Variants in ITGA11 observed in about 807,000 individuals in gnomAD.
ITGA11 encodes integrin alpha-11.
Under a neutral mutation model 141.9 loss-of-function variants are expected in ITGA11, and 97 were observed. The observed-to-expected ratio is 0.68, with a 90% CI of 0.58 to 0.81. ITGA11 has a LOEUF of 0.81. ITGA11 is among the 30% of genes least tolerant of loss of function. The pLI is 0.00. For missense variants in ITGA11, 1,387 were observed against 1,559.2 expected, an observed-to-expected ratio of 0.89 and a Z score of 1.86; for synonymous variants, 658 against 624.6, an observed-to-expected ratio of 1.05 and a Z score of -0.80.
chr15:68,368,889 A>G, intron 3 of ITGA11, among the ~76,000 whole-genome samples: 1 of 147,074 alleles, frequency 6.8e-6, no homozygotes, highest in East Asian at 2.0e-4. Flanking sequence ...CCTGGGAGAG[A>G]AAACTTTGAG....
chr15:68,372,334 CCTGCAGCCTCAGGCTTATACAGCCTT>C (rs2140364805), intron 2 of ITGA11, among the ~76,000 whole-genome samples: 1 of 152,164 alleles, frequency 6.6e-6, no homozygotes, highest in Admixed American at 6.5e-5. Context: ...CCTGCCACCC[CCTGCAGCCTCAGGCTTATACAGCCTT>C]CTGCAGCCTC....
intron 2 of ITGA11, among the ~76,000 whole-genome samples, chr15:68,382,507 A>T (rs918532854): frequency 1.3e-5 from 2 of 152,150 alleles, no homozygotes; most frequent in African/African-American, 4.8e-5. Flanking sequence ...CTTCCCCAAG[A>T]TTTACCTTGG....
intron 2 of ITGA11, among the ~76,000 whole-genome samples, chr15:68,397,151 T>A (rs1221919016): frequency 0.71 from 24 of 34 alleles, 12 homozygotes; most frequent in Admixed American, 1. Context: ...TATATATTAA[T>A]TATTATTTAA....
intron 10 of ITGA11, among the ~76,000 whole-genome samples, chr15:68,342,732 C>T (rs1894609312): frequency 6.6e-6 from 1 of 152,180 alleles, no homozygotes; most frequent in Admixed American, 6.5e-5. Context: ...AGGTTTGTGC[C>T]CTAGGTGATA....
At position 68,330,968 on chromosome 15, in the gene ITGA11, C is replaced by T. The variant is rs192603531; in HGVS notation, c.1901+13G>A. 166 of 1,613,516 alleles carry T rather than the reference C, an allele frequency of 1.0e-4. 1 individual carries two copies. The Middle Eastern group carries it at 2.1e-3, about 21-fold the overall frequency. ...AGGAGAGCCCAGGAGGTGGGAACAG[C>T]GGGGGAACCAACCACAGAATCACAG... On this transcript the variant is annotated intron_variant, in intron 15 of 29. Transcript: ENST00000315757.
intron 3 of ITGA11, chr15:68,365,365 G>C: frequency 1.0e-6 from 1 of 986,264 alleles, no homozygotes; most frequent in Non-Finnish European, 1.2e-6. Context: ...ATGCCATTCT[G>C]AAGGAGGCTG....
At position 68,326,888 on chromosome 15, in the gene ITGA11, AG is replaced by A. The variant is rs1367298707; in HGVS notation, c.2069-93del. 4 of 1,379,992 alleles carry A rather than the reference AG, an allele frequency of 2.9e-6. No individual in the cohort carries two copies. The African/African-American group carries it at 4.3e-5, about 15-fold the overall frequency. The allele number at this position is 1,379,992 out of a possible 1,614,324, so 85.5% of individuals were successfully genotyped here. Reference sequence around the variant, plus strand: ...CTCCAGGAAGCCCCCCAGGCTGGCCAGGGGAGAGCTGTTCCTTTCCTCTCAC... The same window carrying A: ...CTCCAGGAAGCCCCCCAGGCTGGCCAGGGAGAGCTGTTCCTTTCCTCTCAC... On this transcript the variant is annotated intron_variant, in intron 16 of 29. Transcript: ENST00000315757. The surrounding 1 kb of genome is among the most constrained non-coding windows in gnomAD (Gnocchi z 6.8).
In ITGA11 at chr15:68,303,131, C is replaced by T. The variant is rs1893084160; in HGVS notation, c.3496-1G>A. ...GCCTGGCACTTCTAAAGAAGCCGAG[C>T]TGTGAGGAGGCAAAGGGAGACGTCT... is the stretch of plus-strand genomic sequence containing the variant. On this transcript the variant is annotated splice_acceptor_variant, in intron 29 of 29. Coordinates refer to ENST00000315757, the MANE Select transcript of ITGA11 (RefSeq NM_001004439.2). LOFTEE classifies it high-confidence loss of function. The surrounding 1 kb of genome is among the most constrained non-coding windows in gnomAD (Gnocchi z 5.3). 10 of 1,551,292 alleles carry T rather than the reference C, an allele frequency of 6.4e-6. No homozygotes were observed. Among genetic ancestry groups the T allele is most frequent in the Non-Finnish European group, 8.7e-6 (10 of 1,147,046 alleles).
intron 5 of ITGA11, among the ~76,000 whole-genome samples, chr15:68,361,077 C>T (rs139973985): frequency 4.7e-4 from 72 of 152,254 alleles, no homozygotes; most frequent in Non-Finnish European, 6.8e-4. Context: ...AGAGGTTTTA[C>T]GTTCCATGAG....
At chr15:68,361,078 G>A (rs766338454) in intron 5 of ITGA11, among the ~76,000 whole-genome samples, 22 of 152,254 alleles carry the variant, frequency 1.4e-4, no homozygotes, top group Non-Finnish European at 2.5e-4. Context: ...GAGGTTTTAC[G>A]TTCCATGAGG....
Position 68,332,350 on chromosome 15 carries a change from A to C in ITGA11, c.1554T>G (p.Tyr518Ter). ...TGCCCAGCTGTACCTGTCTCAGCTC[A>C]TAGACGTACACCTTGCCTCGCTCAC... is the stretch of plus-strand genomic sequence containing the variant. ...EGRERGKVYV[Y>*]ELRQNLFVYN... The change falls in exon 13 of 30, where the codon TAT becomes TAG. Residue 518 changes from tyrosine (Y) to a stop codon, truncating the protein, a stop_gained. Transcript: ENST00000315757. LOFTEE classifies it high-confidence loss of function. 1 of 1,606,394 alleles carries C rather than the reference A, an allele frequency of 6.2e-7. No individual in the cohort carries two copies. The highest frequency in any genetic ancestry group is 8.5e-7 in the Non-Finnish European group (1 of 1,177,092).
At chr15:68,329,750 T>C (rs1335557837) in intron 15 of ITGA11, among the ~76,000 whole-genome samples, 1 of 152,196 alleles carries the variant, frequency 6.6e-6, no homozygotes, top group Admixed American at 6.5e-5. Flanking sequence ...CTGCTGTTGC[T>C]GCCACCACCA....
chr15:68,338,169 CA>C (rs1278719179), intron 11 of ITGA11, among the ~76,000 whole-genome samples: 1 of 152,258 alleles, frequency 6.6e-6, no homozygotes, highest in Non-Finnish European at 1.5e-5. Flanking sequence ...GGAGGAAACA[CA>C]ATAAAACACG....
chr15:68,359,096 A>C (rs1013307167), intron 5 of ITGA11, among the ~76,000 whole-genome samples: 3 of 152,164 alleles, frequency 2.0e-5, no homozygotes, highest in African/African-American at 7.2e-5. Context: ...TCTCAGCCTC[A>C]GTTTTCTCTT....
rs187280919 is a variant in ITGA11 at position 68,303,678 on chromosome 15, G to A, written c.3495+94C>T. On this transcript the variant is annotated intron_variant, in intron 29 of 29. Coordinates refer to ENST00000315757, the MANE Select transcript of ITGA11 (RefSeq NM_001004439.2). The surrounding 1 kb of genome is among the most constrained non-coding windows in gnomAD (Gnocchi z 5.3). ...GGTGGGGTGCCAGCTCCCCTGGAGA[G>A]GAGAACGTGGCAGCGGCCACGAAGT... 4.9e-6 allele frequency: 4 copies of A among 808,586 alleles called. No homozygotes were observed. In the Admixed American group the frequency reaches 6.9e-5, roughly 14 times the overall value. The allele number at this position is 808,586 out of a possible 1,614,324, so 50.1% of individuals were successfully genotyped here.
intron 1 of ITGA11, among the ~76,000 whole-genome samples, chr15:68,428,206 A>C (rs1173495451): frequency 6.6e-6 from 1 of 152,184 alleles, no homozygotes; most frequent in African/African-American, 2.4e-5. Context: ...GCAAGAGCAA[A>C]GCCAGCTCAG....
rs144392107 is a variant in ITGA11, at chr15:68,411,924, G to T, written c.53-8895C>A. Among the ~76,000 whole-genome samples the T allele has an allele frequency of 5.0e-3, 758 of 152,118 alleles. 7 individuals are homozygous for T. Among genetic ancestry groups the T allele is most frequent in the Non-Finnish European group, 6.9e-3 (466 of 67,998 alleles). On this transcript the variant is annotated intron_variant, in intron 1 of 29. Coordinates refer to ENST00000315757, the MANE Select transcript of ITGA11 (RefSeq NM_001004439.2). Reference sequence around the variant, plus strand: ...AGTGAGAGATATTCGGAGCAGAGCTGCCCCAGCTGAGTTGCCCCAGCCCAA... The same window carrying T: ...AGTGAGAGATATTCGGAGCAGAGCTTCCCCAGCTGAGTTGCCCCAGCCCAA...
At chr15:68,422,159 G>A in intron 1 of ITGA11, among the ~76,000 whole-genome samples, 1 of 152,176 alleles carries the variant, frequency 6.6e-6, no homozygotes. Context: ...GCACCACTGA[G>A]GCACGTCTGT....
At chr15:68,310,805 G>A (rs1035755708) in intron 26 of ITGA11, among the ~76,000 whole-genome samples, 189 bp downstream of exon 26, 1 of 152,194 alleles carries the variant, frequency 6.6e-6, no homozygotes, top group African/African-American at 2.4e-5. Context: ...CCTGTGAGAC[G>A]GGGGACTCAC....
Sources: allele counts gnomAD v4.1 joint callset (sites outside exome capture counted in the v4.1 genomes callset), GRCh38; gene constraint gnomAD v4.1.1; non-coding constraint Gnocchi (gnomAD v3.1); transcripts MANE v1.5; gene names NCBI Gene and HGNC (gene_info 2026-07-23, HGNC 2026-07-21).